Variants in ZNF480 observed in about 807,000 individuals in gnomAD.
The protein encoded by ZNF480 is zinc finger protein 480.
In ZNF480, 15 loss-of-function variants were observed where a neutral mutation model predicts 14.4. That is an observed-to-expected ratio of 1.04 (90% CI 0.70 to 1.60). The LOEUF is 1.60. ZNF480 is among the 40% of genes most tolerant of loss of function. ZNF480 has a pLI of 0.00. For missense variants in ZNF480, 593 were observed against 629.7 expected (o/e 0.94, Z 0.62); for synonymous variants, 218 against 215.5 (o/e 1.01, Z -0.10).
At chr19:52,309,182 C>A (rs1045813213) in intron 2 of ZNF480, among the ~76,000 whole-genome samples, 1 of 152,188 alleles carries the variant, frequency 6.6e-6, no homozygotes, top group Admixed American at 6.5e-5. Flanking sequence ...TGAACGTTCT[C>A]TGAATTAACA....
chr19:52,300,759 A>G, intron 2 of ZNF480: 1 of 509,816 alleles, frequency 2.0e-6, no homozygotes. Flanking sequence ...GGTTTGACCC[A>G]CATATTTATT....
chr19:52,315,182 C>G (rs1387237094), intron 3 of ZNF480, among the ~76,000 whole-genome samples: 2 of 152,110 alleles, frequency 1.3e-5, no homozygotes, highest in African/African-American at 4.8e-5. Flanking sequence ...GTCCTGGGCT[C>G]AAGCAATCCA....
intron 2 of ZNF480, among the ~76,000 whole-genome samples, chr19:52,313,431 C>G (rs368886718): frequency 5.5e-4 from 84 of 152,116 alleles, no homozygotes; most frequent in African/African-American, 1.7e-3. Context: ...AGCCACCATG[C>G]CTGGCCTATA....
At chr19:52,300,290 A>C (rs370081366) in intron 1 of ZNF480, 104 bp from the exon 2 acceptor site, 1 of 1,223,692 alleles carries the variant, frequency 8.2e-7, no homozygotes, top group Non-Finnish European at 1.2e-6. Context: ...TGGGCAGCAG[A>C]GGACATCTTT....
chr19:52,322,968 A>G lies in ZNF480; in HGVS notation c.*110A>G. 1 of 901,024 alleles carries G rather than the reference A, an allele frequency of 1.1e-6. No individual in the cohort carries two copies. The highest frequency in any genetic ancestry group is 1.6e-6 in the Non-Finnish European group (1 of 636,264). 55.8% of individuals were successfully genotyped at this position (901,024 alleles called of 1,614,324 possible). ...ATTTTGCAAATGTAAAGAATATGACAAGGTCTTCAAACACAAGTTTTTCTA... is the reference window on the plus strand; with the variant it reads ...ATTTTGCAAATGTAAAGAATATGACGAGGTCTTCAAACACAAGTTTTTCTA... On this transcript the variant is annotated 3_prime_UTR_variant, in exon 5 of 5. Transcript: ENST00000595962.
rs1468504408 is a variant in ZNF480, at chr19:52,321,964, G to A, written c.714G>A (p.Lys238=). 6.2e-7 allele frequency: 1 copy of A among 1,612,324 alleles called. No individual in the cohort carries two copies. Among genetic ancestry groups the A allele is most frequent in the Non-Finnish European group, 8.5e-7 (1 of 1,178,620 alleles). ...CTTACAAATGTAATTCATGCGGCAA[G>A]GTCTTTAGTCGCAATTCACACCTTG... ...EKPYKCNSCG[K]VFSRNSHLAE... is the part of the protein sequence containing the mutation. Residue 238 remains lysine, a synonymous_variant, in exon 5 of 5, where the codon AAG becomes AAA. Transcript: ENST00000595962.
In ZNF480 at chr19:52,306,488, G is replaced by A. The variant is rs559349890; in HGVS notation, c.72+6004G>A. Among the ~76,000 whole-genome samples the A allele has an allele frequency of 8.5e-5, 13 of 152,244 alleles. No individual in the cohort carries two copies. The East Asian group carries it at 2.5e-3, about 29-fold the overall frequency. On this transcript the variant is annotated intron_variant, in intron 2 of 4. Transcript: ENST00000595962. The stretch of plus-strand genomic sequence containing the variant: ...TATTAATTTGAGGTTGGGCCTGGGC[G>A]TTGTGAGCAGCCTGGATGGAAGCTT...
At chr19:52,310,936 C>T (rs1395389134) in intron 2 of ZNF480, among the ~76,000 whole-genome samples, 15 of 138,582 alleles carry the variant, frequency 1.1e-4, no homozygotes, top group Non-Finnish European at 1.7e-4. Context: ...ACCCGGGAGG[C>T]AGAGCTTACA....
At chr19:52,314,048 G>C (rs1004383395) in intron 2 of ZNF480, 105 bp from the exon 3 acceptor site, 15 of 1,286,038 alleles carry the variant, frequency 1.2e-5, no homozygotes, top group Non-Finnish European at 1.6e-5. Context: ...GGATTCGTCA[G>C]AACATTCTCT....
intron 4 of ZNF480, among the ~76,000 whole-genome samples, chr19:52,318,630 GT>G (rs1168026913): frequency 6.6e-6 from 1 of 151,992 alleles, no homozygotes; most frequent in Non-Finnish European, 1.5e-5. Flanking sequence ...TTTACCTATG[GT>G]TTTTTCTAGG....
At chr19:52,321,182 TG>T (rs1983792140) in intron 4 of ZNF480, among the ~76,000 whole-genome samples, 1 of 152,204 alleles carries the variant, frequency 6.6e-6, no homozygotes, top group Non-Finnish European at 1.5e-5. Context: ...ATTAGCCTGT[TG>T]TAAAGGGTGT....
At chr19:52,320,531 C>A (rs1983761962) in intron 4 of ZNF480, among the ~76,000 whole-genome samples, 1 of 152,182 alleles carries the variant, frequency 6.6e-6, no homozygotes, top group African/African-American at 2.4e-5. Context: ...TGTGGTGGCT[C>A]ACGCCTGTAA....
chr19:52,318,716 A>C (rs1983670459), intron 4 of ZNF480, among the ~76,000 whole-genome samples: 1 of 152,120 alleles, frequency 6.6e-6, no homozygotes, highest in African/African-American at 2.4e-5. Context: ...GTTCAGCCTC[A>C]TTCCTTTGCT....
At chr19:52,315,996 CTGT>C in intron 4 of ZNF480, 34 bp downstream of exon 4, 1 of 1,527,596 alleles carries the variant, frequency 6.5e-7, no homozygotes, top group Non-Finnish European at 8.8e-7. Context: ...GGAAGCCATG[CTGT>C]TGTTTGGGCT....
At chr19:52,297,540 C>T (rs980350986) in intron 1 of ZNF480, among the ~76,000 whole-genome samples, 12 of 152,284 alleles carry the variant, frequency 7.9e-5, no homozygotes, top group Non-Finnish European at 8.8e-5. Context: ...AGGCGGATTC[C>T]GGTCTATGCG....
intron 2 of ZNF480, chr19:52,308,648 C>G (rs1304441639): frequency 6.6e-6 from 1 of 152,094 alleles, no homozygotes; most frequent in Non-Finnish European, 1.5e-5. Flanking sequence ...AAACGCCTTT[C>G]CCAGTTTTTT....
chr19:52,300,283 G>A, intron 1 of ZNF480, 111 bp from the exon 2 acceptor site: 2 of 1,137,796 alleles, frequency 1.8e-6, no homozygotes, highest in South Asian at 1.5e-5. Context: ...GGTGCAGTGG[G>A]CAGCAGAGGA....
chr19:52,311,958 T>A (rs547684064), intron 2 of ZNF480, among the ~76,000 whole-genome samples: 1 of 152,286 alleles, frequency 6.6e-6, no homozygotes, highest in South Asian at 2.1e-4. Flanking sequence ...CCGTGATGCG[T>A]GTTCATGACT....
At position 52,321,864 on chromosome 19, in the gene ZNF480, G is replaced by A. The variant is rs745756412; in HGVS notation, c.614G>A (p.Cys205Tyr). ...CACCTTAGAGAAAAACCTTATGAATGTAATGAGCATAGCAAAGTCTTTAGA... is the reference window on the plus strand; with the variant it reads ...CACCTTAGAGAAAAACCTTATGAATATAATGAGCATAGCAAAGTCTTTAGA... ...KVHLREKPYE[C>Y]NEHSKVFRVS... is the part of the protein sequence containing the mutation. The change falls in exon 5 of 5, where the codon TGT becomes TAT. Residue 205 changes from cysteine (C) to tyrosine (Y), a missense_variant. Coordinates refer to ENST00000595962, the MANE Select transcript of ZNF480 (RefSeq NM_144684.4). 1 of 1,614,074 alleles carries A rather than the reference G, an allele frequency of 6.2e-7. No homozygotes were observed. Among genetic ancestry groups the A allele is most frequent in the Admixed American group, 1.7e-5 (1 of 60,002 alleles).
Sources: allele counts gnomAD v4.1 joint callset (sites outside exome capture counted in the v4.1 genomes callset), GRCh38; gene constraint gnomAD v4.1.1; transcripts MANE v1.5; gene names NCBI Gene and HGNC (gene_info 2026-07-23, HGNC 2026-07-21).